The following ARID4B variants were observed in gnomAD, a reference collection of about 807,000 sequenced individuals.
The protein encoded by ARID4B is AT-rich interaction domain 4B.
Under a neutral mutation model 147.5 loss-of-function variants are expected in ARID4B, and 26 were observed. That is an observed-to-expected ratio of 0.18 (90% confidence interval 0.13 to 0.24). The LOEUF (loss-of-function observed/expected upper bound fraction) is 0.24. ARID4B is among the 10% of genes least tolerant of loss of function. The pLI is 1.00. For missense variants in ARID4B, 1,179 were observed against 1,511.5 expected (o/e 0.78, Z 3.65); for synonymous variants, 512 against 507.9 (o/e 1.01, Z -0.11).
intron 2 of ARID4B, among the ~76,000 whole-genome samples, chr1:235,270,239 T>C (rs1425044151): frequency 2.0e-5 from 3 of 152,046 alleles, no homozygotes; most frequent in African/African-American, 7.2e-5. Flanking sequence ...GCCGAGATCA[T>C]GCCACTGGAC....
Position 235,211,428 on chromosome 1 carries a change from T to G in ARID4B, c.1841+2341A>C, listed in dbSNP as rs542371021. On this transcript the variant is annotated intron_variant, in intron 17 of 23. Transcript: ENST00000264183. ...ACACCTAAATTCTATCCCTTTTTCA[T>G]AGAATTTCAAATACTTCATAAAGGC... is the stretch of plus-strand genomic sequence containing the variant. Among the ~76,000 whole-genome samples, 20 of 152,278 alleles carry G rather than the reference T, an allele frequency of 1.3e-4. No homozygotes were observed. The South Asian group carries it at 4.1e-3, about 32-fold the overall frequency.
chr1:235,220,065 T>C lies in ARID4B; in HGVS notation c.1408-97A>G, dbSNP rs571048308. ...AGCAACAGGAGGTATCAACCAATTC[T>C]AATATTAAAAGTTATAAATTACTTT... On this transcript the variant is annotated intron_variant, in intron 15 of 23. Transcript: ENST00000264183. The C allele has an allele frequency of 4.3e-4, 373 of 866,836 alleles. 1 individual carries two copies. The highest frequency in any genetic ancestry group is 5.2e-4 in the Non-Finnish European group (320 of 618,792). The allele number at this position is 866,836 out of a possible 1,614,324, so 53.7% of individuals were successfully genotyped here.
At chr1:235,210,294 A>G (rs915420201) in intron 17 of ARID4B, among the ~76,000 whole-genome samples, 1 of 151,968 alleles carries the variant, frequency 6.6e-6, no homozygotes, top group African/African-American at 2.4e-5. Flanking sequence ...GGTCCACACA[A>G]ATCTCCCAAA....
At chr1:235,245,239 T>C (rs186460194) in intron 7 of ARID4B, among the ~76,000 whole-genome samples, 1 of 152,304 alleles carries the variant, frequency 6.6e-6, no homozygotes, top group East Asian at 1.9e-4. Context: ...GATCAACTTA[T>C]TCAGCAACAA....
rs551304895 is a variant in ARID4B at position 235,292,029 on chromosome 1, G to A, written c.7-31277C>T. Among the ~76,000 whole-genome samples the A allele has an allele frequency of 4.5e-4, 69 of 152,278 alleles. 1 individual carries two copies. The South Asian group carries it at 0.014, about 31-fold the overall frequency. On this transcript the variant is annotated intron_variant, in intron 2 of 23. Transcript: ENST00000264183. ...GGGTTTTTACTATATTCTTTTATAAGTATTTTTTAAAACTTTTCAGCCATA... is the reference window on the plus strand; with the variant it reads ...GGGTTTTTACTATATTCTTTTATAAATATTTTTTAAAACTTTTCAGCCATA...
chr1:235,264,862 A>G (rs1670502751), intron 2 of ARID4B, among the ~76,000 whole-genome samples: 1 of 150,878 alleles, frequency 6.6e-6, no homozygotes, highest in African/African-American at 2.4e-5. Context: ...AGTTCGAGAC[A>G]AGCCTGGTCA....
At chr1:235,245,308 GT>G (rs544230279) in intron 7 of ARID4B, among the ~76,000 whole-genome samples, 139 of 152,242 alleles carry the variant, frequency 9.1e-4, no homozygotes, top group African/African-American at 3.2e-3. Flanking sequence ...ACATCTAACA[GT>G]TGGGGAACGA....
At chr1:235,278,353 T>A (rs1671470245) in intron 2 of ARID4B, among the ~76,000 whole-genome samples, 2 of 152,046 alleles carry the variant, frequency 1.3e-5, no homozygotes, top group African/African-American at 4.8e-5. Flanking sequence ...CCACCTAGCC[T>A]CCGTTCTGCT....
chr1:235,310,289 G>A (rs1459294820), intron 2 of ARID4B, among the ~76,000 whole-genome samples: 1 of 152,118 alleles, frequency 6.6e-6, no homozygotes, highest in Non-Finnish European at 1.5e-5. Context: ...CAAAAGGTTT[G>A]TAAACTACAC....
chr1:235,288,389 C>T (rs1047355860), intron 2 of ARID4B, among the ~76,000 whole-genome samples: 1 of 152,070 alleles, frequency 6.6e-6, no homozygotes, highest in African/African-American at 2.4e-5. Context: ...TATGTTCTTC[C>T]AGGTTTTTTC....
chr1:235,247,514 G>A (rs182908350), intron 6 of ARID4B, among the ~76,000 whole-genome samples: 16 of 151,980 alleles, frequency 1.1e-4, no homozygotes, highest in African/African-American at 3.4e-4. Flanking sequence ...ATCTAACAAC[G>A]AACAGTATGA....
At chr1:235,210,323 T>G (rs1315144110) in intron 17 of ARID4B, among the ~76,000 whole-genome samples, 1 of 152,050 alleles carries the variant, frequency 6.6e-6, no homozygotes, top group Non-Finnish European at 1.5e-5. Flanking sequence ...CATGAATGAC[T>G]ACCACTGAAG....
intron 2 of ARID4B, among the ~76,000 whole-genome samples, chr1:235,322,524 G>A (rs898964727): frequency 8.5e-5 from 13 of 152,180 alleles, no homozygotes; most frequent in South Asian, 4.1e-4. Flanking sequence ...AAAAGCCTTC[G>A]CACTCAGCTT....
At chr1:235,251,509 G>C (rs1463386221) in intron 6 of ARID4B, among the ~76,000 whole-genome samples, 1 of 151,854 alleles carries the variant, frequency 6.6e-6, no homozygotes, top group African/African-American at 2.4e-5. Context: ...ATTTAAGTGG[G>C]AATTCAATCA....
chr1:235,238,095 A>G (rs1209266565), intron 8 of ARID4B, among the ~76,000 whole-genome samples: 2 of 150,382 alleles, frequency 1.3e-5, no homozygotes, highest in Admixed American at 6.7e-5. Flanking sequence ...GTGAGCCGAG[A>G]TCGCACCATT....
At chr1:235,203,489 T>A (rs374315845) in intron 17 of ARID4B, among the ~76,000 whole-genome samples, 1 of 152,146 alleles carries the variant, frequency 6.6e-6, no homozygotes, top group East Asian at 1.9e-4. Context: ...AAAATCAAAT[T>A]AATATAAACT....
chr1:235,300,738 T>A (rs955729627), intron 2 of ARID4B, among the ~76,000 whole-genome samples: 1 of 151,806 alleles, frequency 6.6e-6, no homozygotes, highest in Non-Finnish European at 1.5e-5. Context: ...TGAGACAGAG[T>A]CTCGCTCTGT....
At chr1:235,171,516 A>G (rs1263392235) in intron 23 of ARID4B, among the ~76,000 whole-genome samples, 1 of 152,224 alleles carries the variant, frequency 6.6e-6, no homozygotes, top group African/African-American at 2.4e-5. Context: ...TTCTTAAAAT[A>G]GTATTTAGGA....
At chr1:235,271,074 A>G (rs568589743) in intron 2 of ARID4B, among the ~76,000 whole-genome samples, 348 of 152,234 alleles carry the variant, frequency 2.3e-3, no homozygotes, top group African/African-American at 7.8e-3. Context: ...AAATCCTTAA[A>G]ATCCCTACTG....
Sources: allele counts gnomAD v4.1 joint callset (sites outside exome capture counted in the v4.1 genomes callset), GRCh38; gene constraint gnomAD v4.1.1; transcripts MANE v1.5; gene names NCBI Gene and HGNC (gene_info 2026-07-23, HGNC 2026-07-21).